Variants in TMEM230 observed in about 807,000 individuals in gnomAD.
The protein encoded by TMEM230 is transmembrane protein 230.
TMEM230 carries 10 observed loss-of-function variants against 15.8 expected under a neutral mutation model. That is an observed-to-expected ratio of 0.63 (90% confidence interval 0.39 to 1.07). TMEM230 has a LOEUF of 1.07. Among genes scored for constraint, TMEM230 ranks in the 50% least tolerant of loss-of-function variants. TMEM230 has a pLI of 0.01. For synonymous variants in TMEM230, 67 were observed against 76.9 expected (o/e 0.87, Z 0.68); for missense variants, 165 against 193.3 (o/e 0.85, Z 0.87).
intron 1 of TMEM230, among the ~76,000 whole-genome samples, chr20:5,112,560 C>A (rs537950441): frequency 1.3e-5 from 2 of 152,146 alleles, no homozygotes; most frequent in Non-Finnish European, 2.9e-5. Context: ...TTCTAAAAGA[C>A]GGGAAAAATA....
chr20:5,083,964 A>G (rs1010697113), intron 3 of TMEM230, among the ~76,000 whole-genome samples: 21 of 152,202 alleles, frequency 1.4e-4, no homozygotes, highest in Non-Finnish European at 1.0e-4. Flanking sequence ...CCAGGTAATG[A>G]GCATAGTACC....
At chr20:5,075,506 C>T (rs1311940370) in intron 3 of TMEM230, among the ~76,000 whole-genome samples, 1 of 151,654 alleles carries the variant, frequency 6.6e-6, no homozygotes, top group East Asian at 2.0e-4. Context: ...GGATGGATCA[C>T]CTGAAGTCAG....
At chr20:5,109,530 T>A in intron 2 of TMEM230, 85 bp from the exon 2 acceptor site, 1 of 1,048,734 alleles carries the variant, frequency 9.5e-7, no homozygotes. Flanking sequence ...TATTAGATGC[T>A]GTGCACTGGA....
chr20:5,106,036 G>C, intron 4 of TMEM230, 152 bp downstream of exon 3: 1 of 1,236,292 alleles, frequency 8.1e-7, no homozygotes, highest in Non-Finnish European at 1.1e-6. Context: ...GGATGACAGA[G>C]CAAGACCCTG....
intron 3 of TMEM230, among the ~76,000 whole-genome samples, chr20:5,079,342 T>C (rs2089107383): frequency 6.6e-6 from 1 of 152,212 alleles, no homozygotes; most frequent in Non-Finnish European, 1.5e-5. Context: ...CCCCTTTGAC[T>C]TTTCCTTGGC....
intron 3 of TMEM230, among the ~76,000 whole-genome samples, chr20:5,080,821 T>A (rs2089156424): frequency 6.6e-6 from 1 of 152,192 alleles, no homozygotes; most frequent in African/African-American, 2.4e-5. Flanking sequence ...ATTGTAGGCA[T>A]GAGCCACTGC....
chr20:5,088,308 C>CA (rs777211538), intron 3 of TMEM230, among the ~76,000 whole-genome samples: 877 of 48,980 alleles, frequency 0.018, 4 homozygotes, highest in East Asian at 0.079. Context: ...GACTCTGTCT[C>CA]AAAAAAAAAA....
At chr20:5,104,403 C>A (rs746292014) in intron 4 of TMEM230, among the ~76,000 whole-genome samples, 2 of 152,038 alleles carry the variant, frequency 1.3e-5, no homozygotes, top group Non-Finnish European at 2.9e-5. Flanking sequence ...CGAATGCTAG[C>A]GAGGACGTGG....
intron 4 of TMEM230, among the ~76,000 whole-genome samples, chr20:5,101,820 C>G (rs1288247921): frequency 6.6e-6 from 1 of 152,324 alleles, no homozygotes; most frequent in Middle Eastern, 3.4e-3. Flanking sequence ...GAGAAAGAAC[C>G]ACCAACTACT....
chr20:5,086,130 C>T (rs556077514), intron 3 of TMEM230, among the ~76,000 whole-genome samples: 114 of 151,660 alleles, frequency 7.5e-4, no homozygotes, highest in African/African-American at 2.3e-3. Context: ...TGCGGTGGCT[C>T]GTGCCTGTAA....
downstream of TMEM230, among the ~76,000 whole-genome samples, chr20:5,097,007 T>C (rs995847655): frequency 6.6e-6 from 1 of 152,232 alleles, no homozygotes; most frequent in Non-Finnish European, 1.5e-5. Context: ...TTTAGTTGGC[T>C]GGAGCCTCTC....
intron 3 of TMEM230, among the ~76,000 whole-genome samples, chr20:5,070,669 G>A (rs1197897875): frequency 6.6e-6 from 1 of 152,224 alleles, no homozygotes; most frequent in Admixed American, 6.5e-5. Context: ...AGTGAAAGCA[G>A]TATTTAATTA....
intron 1 of TMEM230, chr20:5,112,690 G>T: frequency 7.1e-7 from 1 of 1,409,972 alleles, no homozygotes; most frequent in Non-Finnish European, 9.2e-7. Context: ...ATCATAAAAC[G>T]TTTGGCACAC....
Position 5,106,178 on chromosome 20 carries a change from G to A in TMEM230, c.411+10C>T, listed in dbSNP as rs371403632. ...TCTCACAACTTATTCCCACATGCCC[G>A]TCAGCTTACCCCTTTGCTGATGTAG... is the stretch of plus-strand genomic sequence containing the variant. On this transcript the variant is annotated intron_variant, in intron 4 of 4. Transcript: ENST00000342308. The A allele has an allele frequency of 1.8e-4, 289 of 1,601,098 alleles. No individual in the cohort carries two copies. Among genetic ancestry groups the A allele is most frequent in the Admixed American group, 2.9e-4 (16 of 55,914 alleles).
At chr20:5,111,975 T>G (rs1360634994) in intron 1 of TMEM230, among the ~76,000 whole-genome samples, 1 of 152,180 alleles carries the variant, frequency 6.6e-6, no homozygotes, top group Non-Finnish European at 1.5e-5. Context: ...GCCTCCCAAG[T>G]GGCTGGGACT....
intron 3 of TMEM230, among the ~76,000 whole-genome samples, chr20:5,089,423 G>A (rs2089444884): frequency 1.3e-5 from 2 of 152,022 alleles, no homozygotes; most frequent in African/African-American, 2.4e-5. Flanking sequence ...TAGAAGGCTG[G>A]GTATAGTGGC....
intron 3 of TMEM230, among the ~76,000 whole-genome samples, chr20:5,082,218 T>C (rs1345515516): frequency 7.7e-6 from 1 of 129,706 alleles, no homozygotes; most frequent in African/African-American, 2.6e-5. Context: ...TGGGAAAGCC[T>C]TGTTTCTCTC....
Position 5,100,260 on chromosome 20 carries a change from C to A in TMEM230, c.*531G>T, listed in dbSNP as rs187354207. The A allele has an allele frequency of 1.7e-5, 17 of 985,418 alleles. No individual in the cohort carries two copies. In the African/African-American group the frequency reaches 3.0e-4, roughly 17 times the overall value. The allele number at this position is 985,418 out of a possible 1,614,324, so 61.0% of individuals were successfully genotyped here. A position where few individuals can be genotyped will look rare whatever the true frequency, so the allele number is the denominator to read the frequency against. ...ACTTGCTCTGCAGGATAAAAAAATT[C>A]CTGGTTGCTGTCAGTAAGAAAGCAA... is the stretch of plus-strand genomic sequence containing the variant. On this transcript the variant is annotated 3_prime_UTR_variant, in exon 5 of 5. Coordinates refer to ENST00000342308, the MANE Select transcript of TMEM230 (RefSeq NM_001009923.2).
At chr20:5,069,438 A>T (rs770590030) in intron 3 of TMEM230, 113 of 1,386,646 alleles carry the variant, frequency 8.1e-5, no homozygotes, top group Non-Finnish European at 1.1e-4. Flanking sequence ...ATCACATCTT[A>T]TGCATTTTGG....
Sources: gnomAD v4.1 joint callset for allele counts (sites outside exome capture counted in the v4.1 genomes callset) on GRCh38, gnomAD v4.1.1 for gene constraint, MANE v1.5 for transcripts, NCBI Gene and HGNC (gene_info 2026-07-23, HGNC 2026-07-21) for gene names.